The following PTPRE variants were observed in gnomAD, a reference collection of about 807,000 sequenced individuals.
PTPRE encodes the protein protein tyrosine phosphatase receptor type E, also known as receptor-type tyrosine-protein phosphatase epsilon.
PTPRE carries 51 observed loss-of-function variants against 102.0 expected under a neutral mutation model. The ratio of observed to expected loss-of-function variants is 0.50; its 90% CI spans 0.40 to 0.63. The LOEUF (loss-of-function observed/expected upper bound fraction) is 0.63, where lower values mean the gene tolerates loss of function less well. Ranked by LOEUF, PTPRE falls within the 30% of genes least tolerant of loss-of-function variation. The pLI is 0.00. For synonymous variants in PTPRE, 345 were observed against 348.2 expected (o/e 0.99, Z 0.10); for missense variants, 752 against 915.1 (o/e 0.82, Z 2.30).
chr10:128,046,654 T>C (rs887217812), intron 3 of PTPRE, among the ~76,000 whole-genome samples: 1 of 151,932 alleles, frequency 6.6e-6, no homozygotes, highest in Non-Finnish European at 1.5e-5. Context: ...AGGAACAAAG[T>C]GCGACGTTGG....
rs1305892926 is a variant in PTPRE, at chr10:128,040,956, C to T, written c.75C>T (p.Thr25=). ...CCAGGGCTCTCAGGGGCAACGAGACCACTGCCGACAGCAACGAGACAACCA... is the reference window on the plus strand; with the variant it reads ...CCAGGGCTCTCAGGGGCAACGAGACTACTGCCGACAGCAACGAGACAACCA... ...PLARALRGNE[T]TADSNETTTT... is the part of the protein sequence containing the mutation. Residue 25 remains threonine (T), a synonymous_variant, in exon 3 of 21, where the codon ACC becomes ACT. Transcript: ENST00000254667. 1 of 1,614,090 alleles carries T rather than the reference C, an allele frequency of 6.2e-7. No individual in the cohort carries two copies. Among genetic ancestry groups the T allele is most frequent in the Admixed American group, 1.7e-5 (1 of 60,012 alleles).
At chr10:128,055,478 C>T (rs578077251) in intron 6 of PTPRE, among the ~76,000 whole-genome samples, 1 of 152,232 alleles carries the variant, frequency 6.6e-6, no homozygotes, top group East Asian at 1.9e-4. Context: ...TGCACTGAAG[C>T]CCTGGGGATC....
chr10:128,083,852 A>G lies in PTPRE; in HGVS notation c.*946A>G, dbSNP rs1387460773. On this transcript the variant is annotated 3_prime_UTR_variant, in exon 21 of 21. Transcript: ENST00000254667. Reference sequence around the variant, plus strand: ...ACACACGCAGTACAGAGGAGCACACATTAGGATAGAAACAGTAGAATAACC... The same window carrying G: ...ACACACGCAGTACAGAGGAGCACACGTTAGGATAGAAACAGTAGAATAACC... 1 of 152,248 alleles carries G rather than the reference A, an allele frequency of 6.6e-6. No homozygotes were observed. Among genetic ancestry groups the G allele is most frequent in the Non-Finnish European group, 1.5e-5 (1 of 68,048 alleles). 9.4% of individuals were successfully genotyped at this position (152,248 alleles called of 1,614,324 possible). A position where few individuals can be genotyped will look rare whatever the true frequency, so the allele number is the denominator to read the frequency against.
rs1389237265 is a variant in PTPRE at position 128,082,200 on chromosome 10, T to C, written c.2029-632T>C. ...ACTCTGATTTTTTTCTCTTTCTTTT[T>C]TTTTTTTTTTTTTTTTTTTTTTTGA... On this transcript the variant is annotated intron_variant, in intron 20 of 20. Transcript: ENST00000254667. 3.4e-4 allele frequency among the ~76,000 whole-genome samples: 40 copies of C among 117,026 alleles called. 5 individuals carry two copies. The highest frequency in any genetic ancestry group is 8.7e-4 in the South Asian group (3 of 3,456). 76.8% of individuals were successfully genotyped at this position (117,026 alleles called of 152,430 possible).
chr10:127,921,303 G>A (rs1846584417), intron 1 of PTPRE, among the ~76,000 whole-genome samples: 1 of 152,242 alleles, frequency 6.6e-6, no homozygotes, highest in South Asian at 2.1e-4. Context: ...AGGAACTGGA[G>A]GCCCAGATAG....
intron 11 of PTPRE, among the ~76,000 whole-genome samples, chr10:128,067,217 C>A (rs1850258191): frequency 6.7e-6 from 1 of 150,368 alleles, no homozygotes; most frequent in African/African-American, 2.5e-5. Flanking sequence ...CACACACATT[C>A]ACATGCACAC....
At position 127,987,040 on chromosome 10, in the gene PTPRE, T is replaced by A. The variant is rs12220574; in HGVS notation, c.-8+4744T>A. ...GACTGAATTAGAAGTTGACAGTAAGTTGGAAGAATGCCTTTGGATCTGACA... is the reference window on the plus strand; with the variant it reads ...GACTGAATTAGAAGTTGACAGTAAGATGGAAGAATGCCTTTGGATCTGACA... On this transcript the variant is annotated intron_variant, in intron 2 of 20. Coordinates refer to ENST00000254667, the MANE Select transcript of PTPRE (RefSeq NM_006504.6). Among the ~76,000 whole-genome samples, 17 of 152,316 alleles carry A rather than the reference T, an allele frequency of 1.1e-4. No individual in the cohort carries two copies. In the East Asian group the frequency reaches 3.1e-3, roughly 28 times the overall value.
chr10:127,991,799 T>C (rs951413142), intron 2 of PTPRE, among the ~76,000 whole-genome samples: 21 of 152,188 alleles, frequency 1.4e-4, no homozygotes, highest in Non-Finnish European at 2.5e-4. Context: ...CTGGCAATCC[T>C]TTCTGATCCA....
chr10:127,964,470 C>T (rs899347863), intron 1 of PTPRE, among the ~76,000 whole-genome samples: 2 of 152,174 alleles, frequency 1.3e-5, no homozygotes, highest in East Asian at 1.9e-4. Context: ...CATACCCGGC[C>T]TCCTTTGCTT....
chr10:128,043,290 C>T (rs746039877), intron 3 of PTPRE, among the ~76,000 whole-genome samples: 20 of 152,232 alleles, frequency 1.3e-4, no homozygotes, highest in East Asian at 5.8e-4. Context: ...TGCAACTAGA[C>T]GGCCCCTCTG....
intron 19 of PTPRE, 86 bp downstream of exon 19, chr10:128,077,869 G>A (rs970647453): frequency 1.8e-5 from 26 of 1,447,836 alleles, no homozygotes; most frequent in Non-Finnish European, 2.4e-5. Flanking sequence ...GCAGAGCCTG[G>A]TCGCTGCCCC....
intron 2 of PTPRE, among the ~76,000 whole-genome samples, chr10:128,025,831 G>A (rs746083796): frequency 2.0e-5 from 3 of 152,196 alleles, no homozygotes; most frequent in Non-Finnish European, 2.9e-5. Context: ...CCCTTTCCCA[G>A]GGCACTGTCT....
chr10:128,069,632 C>G lies in PTPRE; in HGVS notation c.1008-60C>G. ...CTGGGTGCGCAGGCCCCTTCGGGGC[C>G]TTTCATTTACTTCGGGAGGAGTGTG... On this transcript the variant is annotated intron_variant, in intron 12 of 20. Transcript: ENST00000254667. 1.9e-6 allele frequency: 3 copies of G among 1,601,412 alleles called. No homozygotes were observed. In the East Asian group the frequency reaches 6.7e-5, roughly 36 times the overall value.
chr10:128,060,588 CA>C (rs1849498278), intron 7 of PTPRE, among the ~76,000 whole-genome samples: 1 of 152,194 alleles, frequency 6.6e-6, no homozygotes, highest in Non-Finnish European at 1.5e-5. Context: ...GTGCAGGGTT[CA>C]TAAAATACAG....
intron 2 of PTPRE, among the ~76,000 whole-genome samples, chr10:128,019,678 C>A (rs1242877787): frequency 6.6e-6 from 1 of 152,042 alleles, no homozygotes; most frequent in African/African-American, 2.4e-5. Context: ...TCATCAGCTG[C>A]CCCCTGAGCA....
At chr10:127,967,392 A>C (rs1850338594) in intron 1 of PTPRE, among the ~76,000 whole-genome samples, 1 of 152,140 alleles carries the variant, frequency 6.6e-6, no homozygotes. Flanking sequence ...TCATGGCAAC[A>C]GGTTTTTCCC....
intron 2 of PTPRE, among the ~76,000 whole-genome samples, chr10:127,995,028 G>A (rs1447747973): frequency 1.3e-5 from 2 of 152,072 alleles, no homozygotes; most frequent in Admixed American, 1.3e-4. Context: ...GAGGGCTTCC[G>A]GGTCAATAAA....
chr10:128,006,928 T>C (rs982233336), intron 2 of PTPRE, among the ~76,000 whole-genome samples: 4 of 152,176 alleles, frequency 2.6e-5, no homozygotes, highest in Non-Finnish European at 5.9e-5. Context: ...GACACCAGAG[T>C]TTGATACAGC....
In PTPRE at chr10:128,070,849, G is replaced by C. The variant is rs772381129; in HGVS notation, c.1335G>C (p.Thr445=). 7 of 1,614,166 alleles carry C rather than the reference G, an allele frequency of 4.3e-6. No homozygotes were observed. Among genetic ancestry groups the C allele is most frequent in the Non-Finnish European group, 5.9e-6 (7 of 1,180,006 alleles). Residue 445 remains threonine (T), a synonymous_variant, in exon 15 of 21, where the codon ACG becomes ACC. Coordinates refer to ENST00000254667, the MANE Select transcript of PTPRE (RefSeq NM_006504.6). The surrounding 1 kb of genome is among the most constrained non-coding windows in gnomAD (Gnocchi z 4.8). ...GGATCATGAAGGAGAACATGAGGAC[G>C]GGCAACTTGCCGGCAAACATGAAGA... ...NVRIMKENMR[T]GNLPANMKKA...
Sources: gnomAD v4.1 joint callset for allele counts (sites outside exome capture counted in the v4.1 genomes callset) on GRCh38, gnomAD v4.1.1 for gene constraint, Gnocchi (gnomAD v3.1) non-coding constraint, MANE v1.5 for transcripts, NCBI Gene and HGNC (gene_info 2026-07-23, HGNC 2026-07-21) for gene names.